The following MDFIC2 variants were observed in gnomAD, a reference collection of about 807,000 sequenced individuals.
The protein encoded by MDFIC2 is myoD family inhibitor domain-containing protein 2.
At chr3:70,279,757 G>GCCAT (rs1213176286) in intron 2 of MDFIC2, among the ~76,000 whole-genome samples, 2 of 152,150 alleles carry the variant, frequency 1.3e-5, no homozygotes, top group Non-Finnish European at 2.9e-5. Context: ...TGGCATAAAT[G>GCCAT]CCATCCCTCT....
chr3:70,292,454 C>G (rs1401444060), intron 2 of MDFIC2, among the ~76,000 whole-genome samples: 4 of 151,960 alleles, frequency 2.6e-5, no homozygotes, highest in Non-Finnish European at 5.9e-5. Context: ...ACTAGTAATA[C>G]TAGCAAAGGT....
intron 2 of MDFIC2, among the ~76,000 whole-genome samples, chr3:70,298,855 T>TA (rs1328446699): frequency 6.6e-6 from 1 of 152,166 alleles, no homozygotes; most frequent in Admixed American, 6.6e-5. Flanking sequence ...TCCTGTTGTT[T>TA]ACTACCTGGG....
In MDFIC2 at chr3:70,304,673, C is replaced by T. The variant is rs551867874; in HGVS notation, c.88+7213G>A. Among the ~76,000 whole-genome samples the T allele has an allele frequency of 2.0e-5, 3 of 152,252 alleles. 1 individual carries two copies. The highest frequency in any genetic ancestry group is 7.2e-5 in the African/African-American group (3 of 41,540). On this transcript the variant is annotated intron_variant, in intron 2 of 3. Transcript: ENST00000567252. ...TTCATCTTCAAAGTTGTATCCTATC[C>T]CAGTTACCATCTTTTGCATGGCCAA...
At chr3:70,279,928 T>A (rs1187265670) in intron 2 of MDFIC2, among the ~76,000 whole-genome samples, 2 of 152,170 alleles carry the variant, frequency 1.3e-5, no homozygotes, top group Non-Finnish European at 2.9e-5. Context: ...TTGCTTGAGA[T>A]CCTGTCTTTG....
At chr3:70,246,321 G>A (rs1441074749) in intron 2 of MDFIC2, among the ~76,000 whole-genome samples, 1 of 152,040 alleles carries the variant, frequency 6.6e-6, no homozygotes, top group African/African-American at 2.4e-5. Flanking sequence ...CAGTTTGAAC[G>A]TAAGCTGGAA....
intron 2 of MDFIC2, among the ~76,000 whole-genome samples, chr3:70,212,804 T>C (rs952703413): frequency 2.0e-5 from 3 of 151,984 alleles, no homozygotes; most frequent in Non-Finnish European, 4.4e-5. Flanking sequence ...CTCTCTTTTT[T>C]TGAGACAGGG....
At chr3:70,274,058 T>C (rs917841378) in intron 2 of MDFIC2, among the ~76,000 whole-genome samples, 1 of 141,224 alleles carries the variant, frequency 7.1e-6, no homozygotes, top group Admixed American at 7.1e-5. Context: ...TAAACCTCCG[T>C]GTGTGTGTGT....
intron 2 of MDFIC2, 131 bp from the exon 3 acceptor site, chr3:70,206,921 T>A (rs989769333): frequency 2.5e-6 from 1 of 394,134 alleles, no homozygotes; most frequent in Non-Finnish European, 4.5e-6. Context: ...TGAAGTATTA[T>A]TGAGCAAGAC....
intron 2 of MDFIC2, among the ~76,000 whole-genome samples, chr3:70,265,673 C>T (rs1233516503): frequency 6.6e-6 from 1 of 152,184 alleles, no homozygotes; most frequent in Non-Finnish European, 1.5e-5. Context: ...TGTATTAGTC[C>T]ATTCTCACAC....
At chr3:70,281,735 A>G (rs1327476102) in intron 2 of MDFIC2, among the ~76,000 whole-genome samples, 2 of 152,132 alleles carry the variant, frequency 1.3e-5, no homozygotes, top group Non-Finnish European at 2.9e-5. Flanking sequence ...CGTCTTTGGA[A>G]TTCCGATAGA....
chr3:70,241,138 C>A (rs1701664214), intron 2 of MDFIC2, among the ~76,000 whole-genome samples: 1 of 152,034 alleles, frequency 6.6e-6, no homozygotes, highest in Non-Finnish European at 1.5e-5. Context: ...GACATACGGG[C>A]TGATAAATTT....
intron 2 of MDFIC2, among the ~76,000 whole-genome samples, chr3:70,255,397 A>G (rs1701806676): frequency 6.6e-6 from 1 of 152,132 alleles, no homozygotes; most frequent in South Asian, 2.1e-4. Context: ...TAGATATGGA[A>G]TAAGCATTTT....
intron 2 of MDFIC2, among the ~76,000 whole-genome samples, chr3:70,258,348 C>T (rs930509997): frequency 1.3e-4 from 20 of 151,506 alleles, no homozygotes; most frequent in African/African-American, 2.4e-4. Flanking sequence ...AAATAAAAAG[C>T]GAGCATATAT....
chr3:70,293,667 C>G (rs563660650), intron 2 of MDFIC2, among the ~76,000 whole-genome samples: 2 of 152,114 alleles, frequency 1.3e-5, no homozygotes, highest in South Asian at 4.1e-4. Context: ...TCCTTTCCTT[C>G]CATTTTCTCT....
chr3:70,211,364 G>T (rs796333377), intron 2 of MDFIC2, among the ~76,000 whole-genome samples: 736 of 2,690 alleles, frequency 0.27, 319 homozygotes, highest in Middle Eastern at 1. Flanking sequence ...CCTTCCCTTT[G>T]CCCTTCCCTT....
chr3:70,265,441 G>C (rs1264044310), intron 2 of MDFIC2, among the ~76,000 whole-genome samples: 3 of 152,058 alleles, frequency 2.0e-5, no homozygotes, highest in Non-Finnish European at 4.4e-5. Flanking sequence ...TTTAGGATTT[G>C]ATGACCACCA....
rs148178840 is a variant in MDFIC2, at chr3:70,235,219, G to A, written c.89-28429C>T. ...CACAAAAGATGTGTCTTCATCAACC[G>A]TCGTTCTCTTTCCTTGCATCTTCAG... On this transcript the variant is annotated intron_variant, in intron 2 of 3. Transcript: ENST00000567252. Among the ~76,000 whole-genome samples the A allele has an allele frequency of 1.8e-3, 272 of 152,198 alleles. 1 individual carries two copies. Among genetic ancestry groups the A allele is most frequent in the Admixed American group, 3.5e-3 (53 of 15,292 alleles).
chr3:70,203,184 A>G (rs963133845), intron 3 of MDFIC2, among the ~76,000 whole-genome samples: 1 of 152,160 alleles, frequency 6.6e-6, no homozygotes, highest in African/African-American at 2.4e-5. Context: ...AAAGAAAAAG[A>G]AAAGAGCCAG....
intron 2 of MDFIC2, among the ~76,000 whole-genome samples, chr3:70,251,176 A>G (rs1701763864): frequency 6.6e-6 from 1 of 152,204 alleles, no homozygotes; most frequent in Admixed American, 6.5e-5. Context: ...TTCTGCCCAC[A>G]TCTTTGGAGA....
Sources: gnomAD v4.1 joint callset for allele counts (sites outside exome capture counted in the v4.1 genomes callset) on GRCh38, gnomAD v4.1.1 for gene constraint, MANE v1.5 for transcripts, NCBI Gene and HGNC (gene_info 2026-07-23, HGNC 2026-07-21) for gene names.